The following RASSF3 variants were observed in gnomAD, a reference collection of about 807,000 sequenced individuals.
RASSF3 encodes the protein ras association domain-containing protein 3.
A neutral mutation model predicts 19.9 loss-of-function variants in RASSF3; 19 were observed. The observed-to-expected ratio is 0.96, with a 90% CI of 0.67 to 1.40. RASSF3 has a LOEUF of 1.40. Ranked by LOEUF, RASSF3 falls within the 40% of genes most tolerant of loss-of-function variation. RASSF3 has a pLI of 0.00. For missense variants in RASSF3, 306 were observed against 289.8 expected (o/e 1.06, Z -0.41); for synonymous variants, 110 against 104.2 (o/e 1.06, Z -0.34).
chr12:64,531,388 T>G (rs1009017578), upstream of RASSF3, among the ~76,000 whole-genome samples: 2 of 152,214 alleles, frequency 1.3e-5, no homozygotes, highest in South Asian at 4.1e-4. Flanking sequence ...ATTTCTGAAC[T>G]CTCTAGTCTA....
chr12:64,543,421 G>GCCCGCCCACCCCCCC (rs1565836074), downstream of RASSF3, among the ~76,000 whole-genome samples: 1 of 55,880 alleles, frequency 1.8e-5, no homozygotes, highest in Non-Finnish European at 3.6e-5. Context: ...CCCGCCCCCC[G>GCCCGCCCACCCCCCC]GCTCCCCGCC....
chr12:64,516,794 G>T (rs1868374237), intron 1 of RASSF3, among the ~76,000 whole-genome samples: 1 of 151,976 alleles, frequency 6.6e-6, no homozygotes, highest in Admixed American at 6.6e-5. Flanking sequence ...GAGGTCAGGA[G>T]TGAGAGACCA....
chr12:64,587,782 A>G (rs1869839851), intron 2 of RASSF3, among the ~76,000 whole-genome samples: 1 of 152,176 alleles, frequency 6.6e-6, no homozygotes, highest in African/African-American at 2.4e-5. Flanking sequence ...TCCAGCGAGT[A>G]ACTGTTTGAA....
chr12:64,512,437 G>A (rs2136098313), intron 1 of RASSF3, among the ~76,000 whole-genome samples: 1 of 152,120 alleles, frequency 6.6e-6, no homozygotes, highest in South Asian at 2.1e-4. Flanking sequence ...CATGGTGAGG[G>A]CCCCATCTCT....
chr12:64,629,400 G>T (rs1006586799), intron 1 of RASSF3, among the ~76,000 whole-genome samples: 1 of 151,914 alleles, frequency 6.6e-6, no homozygotes, highest in Non-Finnish European at 1.5e-5. Flanking sequence ...GAGCCACTGC[G>T]CCCGTCCCAC....
chr12:64,567,047 G>A (rs1373631740), intron 2 of RASSF3, among the ~76,000 whole-genome samples: 1 of 152,202 alleles, frequency 6.6e-6, no homozygotes. Context: ...GCTACTGGTG[G>A]AGGAAGTAAA....
rs552740235 is a variant in RASSF3, at chr12:64,649,181, A to G, written c.112-35606A>G. ...TAATTGGTGTTCTTGGGGTCTCAGC[A>G]GCCATCTGGGTTTTTTTTTTTCTTT... On this transcript the variant is annotated intron_variant, in intron 1 of 4. Transcript: ENST00000542104. Among the ~76,000 whole-genome samples, 40 of 146,470 alleles carry G rather than the reference A, an allele frequency of 2.7e-4. 1 individual carries two copies. The South Asian group carries it at 8.8e-3, about 32-fold the overall frequency.
intron 1 of RASSF3, among the ~76,000 whole-genome samples, chr12:64,632,356 A>C (rs1871196201): frequency 6.6e-6 from 1 of 152,148 alleles, no homozygotes; most frequent in Non-Finnish European, 1.5e-5. Context: ...TTTGTGAGTA[A>C]GGAGGAGCCA....
intron 1 of RASSF3, among the ~76,000 whole-genome samples, chr12:64,640,203 A>G (rs1333487126): frequency 1.3e-5 from 2 of 152,186 alleles, no homozygotes; most frequent in African/African-American, 4.8e-5. Flanking sequence ...TATTTAATAT[A>G]TACAGTTTGA....
chr12:64,546,082 C>G (rs1172748875), downstream of RASSF3, among the ~76,000 whole-genome samples: 1 of 106,590 alleles, frequency 9.4e-6, no homozygotes, highest in Non-Finnish European at 1.7e-5. Context: ...CGCGACAGAG[C>G]AAGACTCCGT....
At chr12:64,638,051 C>T (rs1249059821) in intron 1 of RASSF3, among the ~76,000 whole-genome samples, 3 of 151,718 alleles carry the variant, frequency 2.0e-5, no homozygotes, top group African/African-American at 7.3e-5. Flanking sequence ...AGGATGGTCT[C>T]CATCTCTTGA....
intron 1 of RASSF3, among the ~76,000 whole-genome samples, chr12:64,618,472 G>A (rs1870627703): frequency 6.6e-6 from 1 of 152,032 alleles, no homozygotes; most frequent in African/African-American, 2.4e-5. Flanking sequence ...GATTACAGGG[G>A]CATGCCACCA....
At chr12:64,538,506 A>G (rs1868875759) in intron 1 of RASSF3, among the ~76,000 whole-genome samples, 1 of 152,146 alleles carries the variant, frequency 6.6e-6, no homozygotes, top group Admixed American at 6.5e-5. Context: ...TTGACTTTCC[A>G]TCTTCAGCTC....
chr12:64,574,696 C>T (rs1033801570), intron 2 of RASSF3, among the ~76,000 whole-genome samples: 6 of 152,160 alleles, frequency 3.9e-5, no homozygotes, highest in African/African-American at 1.2e-4. Context: ...ATATGAAATG[C>T]GTAGAACATG....
chr12:64,660,164 C>T (rs897389329), intron 1 of RASSF3, among the ~76,000 whole-genome samples: 6 of 151,814 alleles, frequency 4.0e-5, no homozygotes, highest in East Asian at 1.9e-4. Context: ...GTGATCCGCC[C>T]GCCTCTGCCT....
In RASSF3 at chr12:64,691,453, C is replaced by G; in HGVS notation, c.458-17C>G. 6.5e-7 allele frequency: 1 copy of G among 1,549,626 alleles called. No individual in the cohort carries two copies. The highest frequency in any genetic ancestry group is 8.9e-7 in the Non-Finnish European group (1 of 1,121,670). On this transcript the variant is annotated splice_polypyrimidine_tract_variant and intron_variant, in intron 3 of 4. Transcript: ENST00000542104. Reference sequence around the variant, plus strand: ...TGGCTGAATACTCTGTAACATGCTGCTTGTTTCTTTACCCAGTCTACGCCT... The same window carrying G: ...TGGCTGAATACTCTGTAACATGCTGGTTGTTTCTTTACCCAGTCTACGCCT...
intron 2 of RASSF3, among the ~76,000 whole-genome samples, chr12:64,590,943 C>T (rs1008357635): frequency 5.9e-5 from 9 of 152,152 alleles, no homozygotes; most frequent in Admixed American, 2.0e-4. Flanking sequence ...TATTGTACTC[C>T]GGTTATCTAA....
intron 2 of RASSF3, among the ~76,000 whole-genome samples, chr12:64,580,444 G>T (rs919041841): frequency 6.6e-6 from 1 of 152,076 alleles, no homozygotes; most frequent in Non-Finnish European, 1.5e-5. Context: ...CACACCTGTA[G>T]TCCCAGATTC....
intron 1 of RASSF3, among the ~76,000 whole-genome samples, chr12:64,651,238 G>C (rs1370197984): frequency 6.6e-6 from 1 of 152,086 alleles, no homozygotes; most frequent in Non-Finnish European, 1.5e-5. Context: ...AAATTTTGTA[G>C]CTTACCTAGT....
Sources: gnomAD v4.1 joint callset for allele counts (sites outside exome capture counted in the v4.1 genomes callset) on GRCh38, gnomAD v4.1.1 for gene constraint, MANE v1.5 for transcripts, NCBI Gene and HGNC (gene_info 2026-07-23, HGNC 2026-07-21) for gene names.